Variants in GSTCD observed in about 807,000 individuals in gnomAD.
The protein encoded by GSTCD is glutathione S-transferase C-terminal domain containing.
Under a neutral mutation model 68.3 loss-of-function variants are expected in GSTCD, and 44 were observed. That is an observed-to-expected ratio of 0.64 (90% CI 0.51 to 0.83). The LOEUF (loss-of-function observed/expected upper bound fraction) is 0.83. Among genes scored for constraint, GSTCD ranks in the 40% least tolerant of loss-of-function variants. The probability of loss-of-function intolerance (pLI) is 0.00; values close to 1 mark genes in which losing one functional copy is unlikely to be tolerated. For synonymous variants in GSTCD, 273 were observed against 255.2 expected (o/e 1.07, Z -0.67); for missense variants, 739 against 735.9 (o/e 1.00, Z -0.05).
At chr4:105,757,286 A>C (rs1372664172) in intron 5 of GSTCD, among the ~76,000 whole-genome samples, 1 of 152,186 alleles carries the variant, frequency 6.6e-6, no homozygotes, top group Admixed American at 6.5e-5. Context: ...AGCATATAAA[A>C]CTTTAATATA....
At chr4:105,781,527 A>G (rs538949930) in intron 5 of GSTCD, among the ~76,000 whole-genome samples, 14 of 152,000 alleles carry the variant, frequency 9.2e-5, no homozygotes, top group East Asian at 5.8e-4. Flanking sequence ...AAAGTGCCCA[A>G]TTACAGGCGT....
At chr4:105,795,732 T>C (rs1184419068) in intron 5 of GSTCD, among the ~76,000 whole-genome samples, 1 of 152,158 alleles carries the variant, frequency 6.6e-6, no homozygotes, top group Non-Finnish European at 1.5e-5. Flanking sequence ...TACACATACA[T>C]GTAAACATTT....
At chr4:105,788,028 G>A (rs1735529265) in intron 5 of GSTCD, among the ~76,000 whole-genome samples, 1 of 151,846 alleles carries the variant, frequency 6.6e-6, no homozygotes, top group Non-Finnish European at 1.5e-5. Flanking sequence ...ACAGGTTTTT[G>A]TTTTTGCTTT....
At chr4:105,753,818 A>T (rs1444855869) in intron 5 of GSTCD, among the ~76,000 whole-genome samples, 1 of 152,044 alleles carries the variant, frequency 6.6e-6, no homozygotes, top group African/African-American at 2.4e-5. Context: ...CTAGCTCTTT[A>T]TTAATTCCAT....
In GSTCD at chr4:105,720,563, A is replaced by C. The variant is rs576412432; in HGVS notation, c.894+1036A>C. 5.3e-5 allele frequency among the ~76,000 whole-genome samples: 8 copies of C among 152,328 alleles called. No homozygotes were observed. The East Asian group carries it at 1.5e-3, about 29-fold the overall frequency. On this transcript the variant is annotated intron_variant, in intron 3 of 11. Transcript: ENST00000515279. Reference sequence around the variant, plus strand: ...TTCTCTTTTCCTCAAAATTGAACCAAATTTGGCAACCAAAACAATATAAAA... The same window carrying C: ...TTCTCTTTTCCTCAAAATTGAACCACATTTGGCAACCAAAACAATATAAAA...
rs376816461 is a variant in GSTCD, at chr4:105,718,048, A to G, written c.426+9A>G. On this transcript the variant is annotated intron_variant, in intron 2 of 11. Transcript: ENST00000515279. Reference sequence around the variant, plus strand: ...TGAAAGCCTGTGCTGAAGTAAGTATAATGTCTTTTTTCTGTTATTTGAAGC... The same window carrying G: ...TGAAAGCCTGTGCTGAAGTAAGTATGATGTCTTTTTTCTGTTATTTGAAGC... The G allele has an allele frequency of 1.9e-5, 30 of 1,572,874 alleles. 1 individual carries two copies. The highest frequency in any genetic ancestry group is 1.6e-4 in the East Asian group (7 of 44,616).
intron 7 of GSTCD, chr4:105,823,591 T>A (rs1723423707): frequency 5.4e-6 from 1 of 185,328 alleles, no homozygotes; most frequent in Non-Finnish European, 1.1e-5. Context: ...TAATTTTAAA[T>A]GGAAATATTG....
intron 9 of GSTCD, among the ~76,000 whole-genome samples, chr4:105,837,604 G>A (rs1207297862): frequency 1.3e-5 from 2 of 152,148 alleles, no homozygotes; most frequent in African/African-American, 2.4e-5. Flanking sequence ...GTTCCCATGA[G>A]GGATAGAGAC....
At chr4:105,718,343 C>G (rs948651591) in intron 2 of GSTCD, among the ~76,000 whole-genome samples, 7 of 152,072 alleles carry the variant, frequency 4.6e-5, no homozygotes, top group Admixed American at 6.5e-5. Context: ...AGTTCTTGCT[C>G]TATTAGTTCA....
In GSTCD at chr4:105,845,475, A is replaced by G. The variant is rs758741033; in HGVS notation, c.1800A>G (p.Arg600=). Residue 600 remains arginine, a synonymous_variant, in exon 12 of 12, where the codon CGA becomes CGG. Coordinates refer to ENST00000515279, the MANE Select transcript of GSTCD (RefSeq NM_001370181.1). ...KQCMCLVDLD[R]ARAAEECGYS... is the part of the protein sequence containing the mutation. ...GCATGTGCTTGGTGGATCTGGATCG[A>G]GCAAGAGCTGCAGAAGAATGTGGAT... is the stretch of plus-strand genomic sequence containing the variant. 3.7e-6 allele frequency: 6 copies of G among 1,614,082 alleles called. No homozygotes were observed. Among genetic ancestry groups the G allele is most frequent in the African/African-American group, 1.3e-5 (1 of 74,942 alleles).
intron 5 of GSTCD, among the ~76,000 whole-genome samples, chr4:105,803,952 G>A (rs1318394198): frequency 2.0e-5 from 3 of 151,828 alleles, no homozygotes; most frequent in African/African-American, 4.8e-5. Context: ...AGTTGGTTAG[G>A]GATATGTACA....
intron 2 of GSTCD, among the ~76,000 whole-genome samples, 196 bp from the exon 3 acceptor site, chr4:105,718,864 A>C (rs1267198416): frequency 6.6e-6 from 1 of 152,140 alleles, no homozygotes; most frequent in African/African-American, 2.4e-5. Context: ...AGTAAGGGGA[A>C]TACAGGAATG....
chr4:105,838,179 A>G (rs1017546664), intron 10 of GSTCD, among the ~76,000 whole-genome samples: 3 of 152,222 alleles, frequency 2.0e-5, no homozygotes, highest in Non-Finnish European at 4.4e-5. Flanking sequence ...GACAAAAGAC[A>G]GTTTGTTGCT....
At position 105,771,673 on chromosome 4, in the gene GSTCD, C is replaced by T. The variant is rs751034908; in HGVS notation, c.1240+42174C>T. ...TTTGTCAGGTTTGTCAAAGATCAGA[C>T]GGTTGTAGATGTGTGATGTTACTTC... On this transcript the variant is annotated intron_variant, in intron 5 of 11. Transcript: ENST00000515279. Among the ~76,000 whole-genome samples the T allele has an allele frequency of 3.3e-5, 5 of 152,078 alleles. 1 individual carries two copies. The highest frequency in any genetic ancestry group is 4.1e-4 in the South Asian group (2 of 4,820).
At chr4:105,823,880 T>C (rs748404875) in intron 7 of GSTCD, among the ~76,000 whole-genome samples, 2 of 152,182 alleles carry the variant, frequency 1.3e-5, no homozygotes, top group Non-Finnish European at 2.9e-5. Flanking sequence ...GTTTTACGTA[T>C]CATCATATTT....
chr4:105,830,806 CCAG>C (rs1723861189), intron 8 of GSTCD, among the ~76,000 whole-genome samples: 1 of 151,926 alleles, frequency 6.6e-6, no homozygotes, highest in Non-Finnish European at 1.5e-5. Context: ...ACCCTGATAT[CCAG>C]CACACTTCCC....
At chr4:105,737,246 T>C (rs1446749237) in intron 5 of GSTCD, among the ~76,000 whole-genome samples, 2 of 152,196 alleles carry the variant, frequency 1.3e-5, no homozygotes, top group Non-Finnish European at 1.5e-5. Context: ...CTCACCATGT[T>C]ATTTTTTGAC....
At chr4:105,785,149 T>C (rs1735417152) in intron 5 of GSTCD, among the ~76,000 whole-genome samples, 1 of 152,218 alleles carries the variant, frequency 6.6e-6, no homozygotes, top group Non-Finnish European at 1.5e-5. Context: ...TTTAGTCTTC[T>C]CATGTTGAAC....
intron 4 of GSTCD, among the ~76,000 whole-genome samples, chr4:105,728,897 A>C (rs1213957917): frequency 6.6e-6 from 1 of 152,192 alleles, no homozygotes; most frequent in Non-Finnish European, 1.5e-5. Context: ...TGGTTACACC[A>C]GAGGAATTTT....
Sources: allele counts gnomAD v4.1 joint callset (sites outside exome capture counted in the v4.1 genomes callset), GRCh38; gene constraint gnomAD v4.1.1; transcripts MANE v1.5; gene names NCBI Gene and HGNC (gene_info 2026-07-23, HGNC 2026-07-21).